RAD50: variants seen among roughly 807,000 people sequenced by gnomAD.
RAD50 encodes RAD50 double strand break repair protein, also known as DNA repair protein RAD50.
RAD50 carries 132 observed loss-of-function variants against 168.8 expected under a neutral mutation model. The observed-to-expected ratio is 0.78, with a 90% CI of 0.68 to 0.90. RAD50 has a LOEUF of 0.90. Among genes scored for constraint, RAD50 ranks in the 40% least tolerant of loss-of-function variants. The pLI is 0.00. For missense variants in RAD50, 1,347 were observed against 1,534.4 expected (o/e 0.88, Z 2.04); for synonymous variants, 525 against 497.4 (o/e 1.06, Z -0.74).
intron 1 of RAD50, among the ~76,000 whole-genome samples, chr5:132,557,942 G>T (rs1750037275): frequency 1.3e-5 from 2 of 151,248 alleles, no homozygotes; most frequent in South Asian, 4.2e-4. Context: ...ATGTAGTGGG[G>T]CTTAACTTGG....
chr5:132,634,057 T>C (rs1751527069), intron 21 of RAD50, among the ~76,000 whole-genome samples: 1 of 152,190 alleles, frequency 6.6e-6, no homozygotes, highest in African/African-American at 2.4e-5. Context: ...TTGTATTATC[T>C]CTTCTATATG....
chr5:132,589,386 A>G (rs760987128), intron 8 of RAD50, among the ~76,000 whole-genome samples: 2 of 152,242 alleles, frequency 1.3e-5, no homozygotes, highest in Non-Finnish European at 2.9e-5. Context: ...GCCCATAAAC[A>G]ATAGGCTATA....
chr5:132,562,135 A>T (rs189729746), intron 2 of RAD50, among the ~76,000 whole-genome samples: 11 of 152,344 alleles, frequency 7.2e-5, no homozygotes, highest in African/African-American at 2.6e-4. Context: ...ACAAGGAAGA[A>T]CAAGGGAAAA....
chr5:132,570,140 A>C (rs1180734066), intron 2 of RAD50, among the ~76,000 whole-genome samples: 1 of 152,222 alleles, frequency 6.6e-6, no homozygotes, highest in African/African-American at 2.4e-5. Flanking sequence ...TTAATTCCTG[A>C]ATAATTCAGT....
At chr5:132,586,864 G>C (rs1750603162) in intron 5 of RAD50, among the ~76,000 whole-genome samples, 1 of 152,126 alleles carries the variant, frequency 6.6e-6, no homozygotes, top group African/African-American at 2.4e-5. Flanking sequence ...GCAAGACCTT[G>C]TCTCTGCATT....
Position 132,592,004 on chromosome 5 carries a change from A to G in RAD50, c.1763A>G (p.Asn588Ser). ...DWLHSKSKEI[N>S]QTRDRLAKLN... ...CTACATAGTAAATCAAAAGAAATTAATCAGACCAGGGACAGACTTGCCAAA... is the reference window on the plus strand; with the variant it reads ...CTACATAGTAAATCAAAAGAAATTAGTCAGACCAGGGACAGACTTGCCAAA... Residue 588 changes from asparagine to serine, a missense_variant, in exon 11 of 25, where the codon AAT becomes AGT. By Grantham distance (46) the Asn-to-Ser change is conservative. Around this residue, in one of 3 missense-constraint regions of RAD50, gnomAD observed 703 missense variants for 767.7 expected, o/e 0.92. Coordinates refer to ENST00000378823, the MANE Select transcript of RAD50 (RefSeq NM_005732.4). The G allele has an allele frequency of 6.2e-7, 1 of 1,613,260 alleles. No individual in the cohort carries two copies.
intron 7 of RAD50, 39 bp from the exon 8 acceptor site, chr5:132,588,648 C>G (rs774290155): frequency 6.4e-7 from 1 of 1,571,458 alleles, no homozygotes; most frequent in Non-Finnish European, 8.7e-7. Flanking sequence ...TTTTTAAGCA[C>G]CAGTTGAAAA....
chr5:132,605,185 C>T (rs1164689980), intron 16 of RAD50, among the ~76,000 whole-genome samples, 186 bp downstream of exon 16: 2 of 152,202 alleles, frequency 1.3e-5, no homozygotes. Flanking sequence ...GCTGGGATTA[C>T]AGGCGTGCAC....
chr5:132,576,555 C>T (rs572377837), intron 3 of RAD50, among the ~76,000 whole-genome samples: 32 of 152,192 alleles, frequency 2.1e-4, no homozygotes, highest in Non-Finnish European at 4.3e-4. Flanking sequence ...ACCAATAATG[C>T]ACATCTACTA....
chr5:132,605,779 C>T (rs563937158), intron 16 of RAD50, among the ~76,000 whole-genome samples: 1 of 152,298 alleles, frequency 6.6e-6, no homozygotes, highest in South Asian at 2.1e-4. Flanking sequence ...AACAAACAGT[C>T]TCTCAGACCA....
Position 132,642,593 on chromosome 5 carries a change from C to T in RAD50, c.*229C>T, listed in dbSNP as rs2149867270. 1 of 568,370 alleles carries T rather than the reference C, an allele frequency of 1.8e-6. No homozygotes were observed. Among genetic ancestry groups the T allele is most frequent in the East Asian group, 3.0e-5 (1 of 33,070 alleles). 35.2% of individuals were successfully genotyped at this position (568,370 alleles called of 1,614,324 possible). ...TGCTCTTCATCCCATTCCAGGCAGCCTCTGTCAGGCCTTCAGGGTTCAGCA... is the reference window on the plus strand; with the variant it reads ...TGCTCTTCATCCCATTCCAGGCAGCTTCTGTCAGGCCTTCAGGGTTCAGCA... On this transcript the variant is annotated 3_prime_UTR_variant, in exon 25 of 25. Coordinates refer to ENST00000378823, the MANE Select transcript of RAD50 (RefSeq NM_005732.4).
intron 5 of RAD50, among the ~76,000 whole-genome samples, chr5:132,584,321 CTGTT>C (rs1472183984): frequency 6.6e-6 from 1 of 152,170 alleles, no homozygotes; most frequent in African/African-American, 2.4e-5. Flanking sequence ...TGAGAAGTGT[CTGTT>C]CATATCCTTC....
chr5:132,583,726 T>TCTTATTGC (rs1750546551), intron 5 of RAD50, among the ~76,000 whole-genome samples: 1 of 141,454 alleles, frequency 7.1e-6, no homozygotes, highest in Non-Finnish European at 1.5e-5. Flanking sequence ...GGAGTTTCAC[T>TCTTATTGC]CTTATTGCCC....
chr5:132,619,830 C>CTA (rs1303356163), intron 21 of RAD50, among the ~76,000 whole-genome samples: 4 of 119,366 alleles, frequency 3.4e-5, no homozygotes, highest in African/African-American at 8.0e-5. Flanking sequence ...CTCTCTCTCT[C>CTA]TCTCTCTATA....
chr5:132,643,140 C>T lies in RAD50; in HGVS notation c.*776C>T, dbSNP rs1328022439. 2 of 509,428 alleles carry T rather than the reference C, an allele frequency of 3.9e-6. No homozygotes were observed. The highest frequency in any genetic ancestry group is 1.6e-5 in the South Asian group (1 of 62,730). The allele number at this position is 509,428 out of a possible 1,614,324, so 31.6% of individuals were successfully genotyped here. A position where few individuals can be genotyped will look rare whatever the true frequency, so the allele number is the denominator to read the frequency against. Reference sequence around the variant, plus strand: ...GCCTGTAACACTCCTCTGCGTCTATCCTGTGTAGCATACTGGCTTCACCAT... The same window carrying T: ...GCCTGTAACACTCCTCTGCGTCTATTCTGTGTAGCATACTGGCTTCACCAT... On this transcript the variant is annotated 3_prime_UTR_variant, in exon 25 of 25. Transcript: ENST00000378823.
Position 132,646,109 on chromosome 5 carries a change from AAAAAG to A in RAD50, c.*3746_*3750del, listed in dbSNP as rs1369125646. The A allele has an allele frequency of 6.7e-6, 1 of 150,080 alleles. No individual in the cohort carries two copies. The highest frequency in any genetic ancestry group is 1.5e-5 in the Non-Finnish European group (1 of 67,918). 9.3% of individuals were successfully genotyped at this position (150,080 alleles called of 1,614,324 possible). On this transcript the variant is annotated 3_prime_UTR_variant, in exon 25 of 25. Transcript: ENST00000378823. ...TAAAAAGACAAAAAAAAAAAAAAAA[AAAAAG>A]CAGCAGCAGCTGAAAGTTGGCAGGA... is the stretch of plus-strand genomic sequence containing the variant.
intron 24 of RAD50, 77 bp from the exon 25 acceptor site, chr5:132,642,101 A>T: frequency 6.9e-7 from 1 of 1,453,634 alleles, no homozygotes; most frequent in South Asian, 1.2e-5. Context: ...GTGTCTGACA[A>T]GGTTTGCGGT....
intron 13 of RAD50, 123 bp downstream of exon 13, chr5:132,595,933 C>T: frequency 1.2e-6 from 1 of 836,086 alleles, no homozygotes; most frequent in Non-Finnish European, 2.0e-6. Flanking sequence ...TGTCTTATAT[C>T]ACTTCTATGA....
intron 21 of RAD50, among the ~76,000 whole-genome samples, chr5:132,624,149 T>C (rs1334034573): frequency 1.3e-5 from 2 of 152,222 alleles, no homozygotes; most frequent in African/African-American, 2.4e-5. Context: ...GTGGGTACGT[T>C]AACATTACAA....
Sources: allele counts gnomAD v4.1 joint callset (sites outside exome capture counted in the v4.1 genomes callset), GRCh38; gene constraint gnomAD v4.1.1; regional missense constraint gnomAD v4.1.1; transcripts MANE v1.5; gene names NCBI Gene and HGNC (gene_info 2026-07-23, HGNC 2026-07-21).